The following MYO5A variants were observed in gnomAD, a reference collection of about 807,000 sequenced individuals.
MYO5A encodes the protein myosin VA.
MYO5A carries 98 observed loss-of-function variants against 249.7 expected under a neutral mutation model. The ratio of observed to expected loss-of-function variants is 0.39; its 90% CI spans 0.33 to 0.46. The LOEUF is 0.46. Ranked by LOEUF, MYO5A falls within the 20% of genes least tolerant of loss-of-function variation. MYO5A has a pLI of 0.98. For synonymous variants in MYO5A, 778 were observed against 810.6 expected, an observed-to-expected ratio of 0.96 and a Z score of 0.68; for missense variants, 1,696 against 2,308.8, an observed-to-expected ratio of 0.73 and a Z score of 5.44.
At position 52,370,166 on chromosome 15, in the gene MYO5A, T is replaced by C. The variant is rs2041030904; in HGVS notation, c.3066+3A>G. On this transcript the variant is annotated splice_donor_region_variant and intron_variant, in intron 22 of 41. Transcript: ENST00000399233. ...TAGATGGGGATATGGACATTATTCC[T>C]ACCTGCTCTGTTTCTTGTTTGTATC... 1.9e-6 allele frequency: 3 copies of C among 1,614,096 alleles called. No individual in the cohort carries two copies. The highest frequency in any genetic ancestry group is 1.3e-5 in the African/African-American group (1 of 75,056).
At chr15:52,327,792 A>C (rs2038680749) in intron 36 of MYO5A, 60 bp downstream of exon 36, 4 of 1,478,280 alleles carry the variant, frequency 2.7e-6, no homozygotes, top group Middle Eastern at 1.7e-4. Context: ...AAGATCAATC[A>C]GTGCAGATTC....
chr15:52,458,791 CA>C (rs2076172303), intron 1 of MYO5A, among the ~76,000 whole-genome samples: 1 of 151,938 alleles, frequency 6.6e-6, no homozygotes, highest in Admixed American at 6.6e-5. Flanking sequence ...AGACTAACTT[CA>C]TTTTATAACA....
intron 1 of MYO5A, chr15:52,437,915 G>T: frequency 2.2e-6 from 1 of 460,008 alleles, no homozygotes; most frequent in Non-Finnish European, 2.9e-6. Context: ...TTCACCAAAA[G>T]CAAGATATTT....
In MYO5A at chr15:52,313,309, T is replaced by C; in HGVS notation, c.*387A>G. The C allele has an allele frequency of 1.1e-5, 3 of 261,440 alleles. No homozygotes were observed. The South Asian group carries it at 1.4e-4, about 12-fold the overall frequency. The allele number at this position is 261,440 out of a possible 1,614,324, so 16.2% of individuals were successfully genotyped here. The stretch of plus-strand genomic sequence containing the variant: ...AGTGCAGAGGAGGTTCTTTGGTGCC[T>C]TCCTAACAACAGCTCATCTATGGAA... On this transcript the variant is annotated 3_prime_UTR_variant, in exon 42 of 42. Transcript: ENST00000399233.
At chr15:52,383,724 T>C in intron 15 of MYO5A, among the ~76,000 whole-genome samples, 1 of 152,150 alleles carries the variant, frequency 6.6e-6, no homozygotes, top group East Asian at 1.9e-4. Flanking sequence ...GACAGCAAGC[T>C]GAGGAGCGCT....
chr15:52,404,700 G>C (rs909761935), intron 9 of MYO5A, among the ~76,000 whole-genome samples: 1 of 152,088 alleles, frequency 6.6e-6, no homozygotes, highest in Non-Finnish European at 1.5e-5. Context: ...GTAAGAGCTG[G>C]CTAGGGAAGA....
At chr15:52,348,092 C>T (rs1162117287) in intron 29 of MYO5A, among the ~76,000 whole-genome samples, 1 of 152,196 alleles carries the variant, frequency 6.6e-6, no homozygotes, top group Non-Finnish European at 1.5e-5. Flanking sequence ...TGCTTCTCTC[C>T]TGGGTGGTAA....
intron 1 of MYO5A, among the ~76,000 whole-genome samples, chr15:52,498,564 T>G (rs1025362043): frequency 1.3e-5 from 2 of 152,240 alleles, no homozygotes; most frequent in Non-Finnish European, 2.9e-5. Flanking sequence ...ATTACTGAGT[T>G]GAACACTTCC....
chr15:52,469,170 C>T (rs1456357424), intron 1 of MYO5A, among the ~76,000 whole-genome samples: 2 of 152,070 alleles, frequency 1.3e-5, no homozygotes, highest in African/African-American at 4.8e-5. Flanking sequence ...ACAGTTGACC[C>T]TTGAACAACA....
At chr15:52,458,580 A>C (rs1484571818) in intron 1 of MYO5A, among the ~76,000 whole-genome samples, 4 of 152,044 alleles carry the variant, frequency 2.6e-5, no homozygotes, top group African/African-American at 9.7e-5. Context: ...TGTTTGCACC[A>C]TTGCACTCCA....
intron 1 of MYO5A, among the ~76,000 whole-genome samples, chr15:52,459,941 G>A (rs1423196586): frequency 6.6e-6 from 1 of 150,948 alleles, no homozygotes; most frequent in Non-Finnish European, 1.5e-5. Flanking sequence ...GGGGCGGCCG[G>A]TCAGAGACGC....
intron 1 of MYO5A, among the ~76,000 whole-genome samples, chr15:52,524,278 G>A (rs1249101970): frequency 6.6e-6 from 1 of 152,130 alleles, no homozygotes; most frequent in Admixed American, 6.6e-5. Flanking sequence ...AATAAGCCAG[G>A]CATGGTGGCT....
intron 3 of MYO5A, 146 bp downstream of exon 3, chr15:52,428,252 G>T: frequency 2.4e-6 from 2 of 839,746 alleles, no homozygotes; most frequent in Non-Finnish European, 3.9e-6. Context: ...AATGCAACTT[G>T]GTAAATCTTT....
Position 52,375,305 on chromosome 15 carries a change from T to A in MYO5A, c.2576A>T (p.Lys859Met), listed in dbSNP as rs762317547. Reference protein sequence around the residue: ...RGFLARNRYRKILREHKAVII... With the variant: ...RGFLARNRYRMILREHKAVII... ...ACAAAGTTGAAAATAATGCCTCACC[T>A]TGCGATACCTATTTCTGGCCAAGAA... is the stretch of plus-strand genomic sequence containing the variant. Residue 859 changes from lysine to methionine, a missense_variant and splice_region_variant, in exon 20 of 42, where the codon AAG becomes ATG. This residue lies in a region of MYO5A where 412 missense variants were observed against 453.3 expected (regional missense o/e 0.91). Transcript: ENST00000399233. 1 of 1,614,122 alleles carries A rather than the reference T, an allele frequency of 6.2e-7. No individual in the cohort carries two copies. The highest frequency in any genetic ancestry group is 1.7e-5 in the Admixed American group (1 of 60,034).
chr15:52,456,254 A>G (rs1246804132), intron 1 of MYO5A, among the ~76,000 whole-genome samples: 1 of 152,190 alleles, frequency 6.6e-6, no homozygotes, highest in Non-Finnish European at 1.5e-5. Flanking sequence ...TAACTTAACC[A>G]AAGAAGTAAA....
rs61363656 is a variant in MYO5A at position 52,416,305 on chromosome 15, T to C, written c.456-4A>G. On this transcript the variant is annotated splice_polypyrimidine_tract_variant and splice_region_variant and intron_variant, in intron 4 of 41. Coordinates refer to ENST00000399233, the MANE Select transcript of MYO5A (RefSeq NM_001382347.1). ...GATGGACTGATTTCGTTCATCTCTGTAAAATAAAAATTTTTTAAAAAGTAA... is the reference window on the plus strand; with the variant it reads ...GATGGACTGATTTCGTTCATCTCTGCAAAATAAAAATTTTTTAAAAAGTAA... 0.052 allele frequency: 84,646 copies of C among 1,613,504 alleles called. 2,705 individuals carry two copies. Among genetic ancestry groups the C allele is most frequent in the East Asian group, 0.17 (7,512 of 44,852 alleles).
chr15:52,501,381 C>T (rs1246664388), intron 1 of MYO5A, among the ~76,000 whole-genome samples: 1 of 152,162 alleles, frequency 6.6e-6, no homozygotes, highest in Non-Finnish European at 1.5e-5. Context: ...GGGAGGATCG[C>T]TTGAGCCCCA....
At chr15:52,405,260 T>A (rs1436217236) in intron 9 of MYO5A, 27 bp downstream of exon 9, 8 of 1,493,512 alleles carry the variant, frequency 5.4e-6, no homozygotes, top group Admixed American at 1.7e-5. Flanking sequence ...TCAACTGCCA[T>A]CCCACTAAAG....
intron 5 of MYO5A, among the ~76,000 whole-genome samples, chr15:52,413,737 CT>C (rs2043349384): frequency 6.6e-6 from 1 of 152,096 alleles, no homozygotes; most frequent in Admixed American, 6.5e-5. Context: ...TTGAGATGCC[CT>C]TTTTTGTAGT....
Sources: gnomAD v4.1 joint callset for allele counts (sites outside exome capture counted in the v4.1 genomes callset) on GRCh38, gnomAD v4.1.1 for gene constraint, gnomAD v4.1.1 regional missense constraint, MANE v1.5 for transcripts, NCBI Gene and HGNC (gene_info 2026-07-23, HGNC 2026-07-21) for gene names.